The following DLG2 variants were observed in gnomAD, a reference collection of about 807,000 sequenced individuals.
The protein encoded by DLG2 is discs large MAGUK scaffold protein 2.
Under a neutral mutation model 132.5 loss-of-function variants are expected in DLG2, and 45 were observed. The observed-to-expected ratio is 0.34, with a 90% confidence interval of 0.27 to 0.44. The LOEUF is 0.44. Ranked by LOEUF, DLG2 falls within the 20% of genes least tolerant of loss-of-function variation. The pLI is 1.00. For synonymous variants in DLG2, 424 were observed against 419.6 expected, an observed-to-expected ratio of 1.01 and a Z score of -0.13; for missense variants, 1,045 against 1,196.9, an observed-to-expected ratio of 0.87 and a Z score of 1.87.
chr11:83,842,816 CAAAA>C (rs1259239219), intron 16 of DLG2, among the ~76,000 whole-genome samples: 1 of 68,414 alleles, frequency 1.5e-5, no homozygotes. Context: ...ACTCTGTCTC[CAAAA>C]AAAAAAAAAA....
chr11:84,820,746 G>C (rs1234534557), intron 6 of DLG2, among the ~76,000 whole-genome samples: 2 of 149,308 alleles, frequency 1.3e-5, no homozygotes, highest in African/African-American at 4.9e-5. Flanking sequence ...TTTTTGAGAA[G>C]CCGAGCCCCA....
At chr11:84,167,827 A>C (rs1464210945) in intron 8 of DLG2, among the ~76,000 whole-genome samples, 1 of 152,098 alleles carries the variant, frequency 6.6e-6, no homozygotes, top group Admixed American at 6.6e-5. Flanking sequence ...CCACCATGCC[A>C]AGCTAATTTT....
In DLG2 at chr11:84,675,470, C is replaced by T. The variant is rs2099710294; in HGVS notation, c.358-140739G>A. ...AAATAAGATGAAGTATAAAATTTCA[C>T]AAGTGGAATTCAGCCTTAAAACTCC... On this transcript the variant is annotated intron_variant, in intron 6 of 27. Transcript: ENST00000376104. Among the ~76,000 whole-genome samples, 4 of 152,116 alleles carry T rather than the reference C, an allele frequency of 2.6e-5. 1 individual carries two copies. The highest frequency in any genetic ancestry group is 4.2e-4 in the South Asian group (2 of 4,812).
intron 8 of DLG2, among the ~76,000 whole-genome samples, chr11:84,214,326 T>C (rs1597584192): frequency 6.7e-6 from 1 of 148,728 alleles, no homozygotes; most frequent in South Asian, 2.1e-4. Context: ...TGTTTATATA[T>C]GTTTTTATGT....
At chr11:85,064,458 C>T (rs1428301579) in intron 6 of DLG2, among the ~76,000 whole-genome samples, 1 of 151,752 alleles carries the variant, frequency 6.6e-6, no homozygotes, top group African/African-American at 2.4e-5. Flanking sequence ...TGGAAATCAA[C>T]TCTGACACTT....
chr11:84,982,280 T>C (rs1003049444), intron 6 of DLG2, among the ~76,000 whole-genome samples: 2 of 152,128 alleles, frequency 1.3e-5, no homozygotes, highest in Non-Finnish European at 2.9e-5. Context: ...TACTTAGCTA[T>C]CTTAAAGGTA....
At chr11:83,707,442 G>T (rs904052625) in intron 18 of DLG2, among the ~76,000 whole-genome samples, 5 of 152,168 alleles carry the variant, frequency 3.3e-5, no homozygotes, top group African/African-American at 1.2e-4. Flanking sequence ...GGCCGAGGGG[G>T]GCAGATCACC....
chr11:83,797,217 GA>G (rs2153927098), intron 17 of DLG2, among the ~76,000 whole-genome samples: 1 of 142,344 alleles, frequency 7.0e-6, no homozygotes, highest in African/African-American at 2.8e-5. Context: ...AGTGATGAAG[GA>G]AAAGAAGAAG....
chr11:85,210,060 C>G (rs2082160446), intron 4 of DLG2, among the ~76,000 whole-genome samples: 1 of 152,120 alleles, frequency 6.6e-6, no homozygotes, highest in African/African-American at 2.4e-5. Flanking sequence ...CATTTCATAT[C>G]CTCCATCCCT....
rs2099213093 is a variant in DLG2 at position 84,502,226 on chromosome 11, CCTTCCTTCCTTCCTTCCT to C, written c.519+32326_519+32343del. Among the ~76,000 whole-genome samples, 4 of 19,066 alleles carry C rather than the reference CCTTCCTTCCTTCCTTCCT, an allele frequency of 2.1e-4. 1 individual carries two copies. The highest frequency in any genetic ancestry group is 3.7e-4 in the Non-Finnish European group (4 of 10,670). The allele number at this position is 19,066 out of a possible 152,430, so 12.5% of individuals were successfully genotyped here. A position where few individuals can be genotyped will look rare whatever the true frequency, so the allele number is the denominator to read the frequency against. On this transcript the variant is annotated intron_variant, in intron 7 of 27. Transcript: ENST00000376104. ...TCCTTCCTTCCTTCCTTCCTTCCTT[CCTTCCTTCCTTCCTTCCT>C]TCCTTCCTTCCTTCCTTCCTTCCTT...
chr11:85,284,681 C>T (rs536457433), intron 4 of DLG2, among the ~76,000 whole-genome samples: 2 of 151,812 alleles, frequency 1.3e-5, no homozygotes, highest in African/African-American at 2.4e-5. Context: ...ACAAGTTGAT[C>T]GTACAACTCT....
intron 17 of DLG2, among the ~76,000 whole-genome samples, chr11:83,833,037 T>C (rs1390634288): frequency 2.6e-5 from 4 of 152,228 alleles, no homozygotes; most frequent in Non-Finnish European, 5.9e-5. Flanking sequence ...CAACGTTCTG[T>C]TGGATGCAAA....
At chr11:84,818,419 C>A (rs1228381116) in intron 6 of DLG2, among the ~76,000 whole-genome samples, 1 of 151,792 alleles carries the variant, frequency 6.6e-6, no homozygotes, top group African/African-American at 2.4e-5. Flanking sequence ...CCATAACTTT[C>A]CCATTTATTA....
chr11:85,065,035 G>T (rs1430802238), intron 6 of DLG2, among the ~76,000 whole-genome samples: 3 of 151,552 alleles, frequency 2.0e-5, no homozygotes, highest in Non-Finnish European at 4.4e-5. Context: ...TTCAAGAGGG[G>T]TGGAGTCAAT....
At chr11:85,059,679 G>A (rs1347108174) in intron 6 of DLG2, among the ~76,000 whole-genome samples, 1 of 151,548 alleles carries the variant, frequency 6.6e-6, no homozygotes, top group East Asian at 1.9e-4. Context: ...AATAGTCTAC[G>A]ATTCTAGGCA....
chr11:84,236,314 T>C (rs751404803), intron 8 of DLG2, among the ~76,000 whole-genome samples: 3 of 152,220 alleles, frequency 2.0e-5, no homozygotes, highest in Non-Finnish European at 4.4e-5. Flanking sequence ...CAGGGAAATA[T>C]CAGTGAGGTT....
At chr11:83,520,951 A>G (rs2095464224) in intron 21 of DLG2, among the ~76,000 whole-genome samples, 1 of 152,188 alleles carries the variant, frequency 6.6e-6, no homozygotes. Flanking sequence ...ACTGCCTAAG[A>G]AGAATAGATC....
intron 3 of DLG2, among the ~76,000 whole-genome samples, chr11:85,573,929 T>C (rs2077994465): frequency 1.3e-5 from 2 of 152,110 alleles, no homozygotes; most frequent in South Asian, 4.1e-4. Context: ...ATTGCTACTA[T>C]TTACAGAAAT....
At chr11:84,898,023 G>A (rs2154068536) in intron 6 of DLG2, among the ~76,000 whole-genome samples, 1 of 151,918 alleles carries the variant, frequency 6.6e-6, no homozygotes, top group Non-Finnish European at 1.5e-5. Context: ...AGTTTGAGAT[G>A]GATCTTTACA....
Sources: gnomAD v4.1 joint callset for allele counts (sites outside exome capture counted in the v4.1 genomes callset) on GRCh38, gnomAD v4.1.1 for gene constraint, MANE v1.5 for transcripts, NCBI Gene and HGNC (gene_info 2026-07-23, HGNC 2026-07-21) for gene names.